PYROXD2: variants seen among roughly 807,000 people sequenced by gnomAD.
PYROXD2 encodes the protein pyridine nucleotide-disulfide oxidoreductase domain-containing protein 2.
In PYROXD2, 69 loss-of-function variants were observed where a neutral mutation model predicts 71.1. That is an observed-to-expected ratio of 0.97 (90% CI 0.80 to 1.19). PYROXD2 has a LOEUF of 1.19. Ranked by LOEUF, PYROXD2 falls within the 50% of genes most tolerant of loss-of-function variation. PYROXD2 has a pLI of 0.00. For missense variants in PYROXD2, 745 were observed against 748.9 expected (o/e 0.99, Z 0.06); for synonymous variants, 287 against 302.7 (o/e 0.95, Z 0.54).
At chr10:98,384,855 C>T (rs1296167509) in intron 15 of PYROXD2, 92 bp downstream of exon 15, 51 of 1,458,052 alleles carry the variant, frequency 3.5e-5, no homozygotes, top group Non-Finnish European at 4.3e-5. Flanking sequence ...CTCTCTGCCA[C>T]CTTCATTGCT....
chr10:98,398,711 C>T (rs1161416006), intron 5 of PYROXD2, among the ~76,000 whole-genome samples: 1 of 152,184 alleles, frequency 6.6e-6, no homozygotes, highest in Non-Finnish European at 1.5e-5. Context: ...GTCCTGCAGG[C>T]CCGGGGACCT....
At chr10:98,402,063 C>T (rs1410219587) in intron 4 of PYROXD2, among the ~76,000 whole-genome samples, 1 of 152,214 alleles carries the variant, frequency 6.6e-6, no homozygotes, top group Non-Finnish European at 1.5e-5. Context: ...CTTATCACCA[C>T]AAACACATGA....
At position 98,410,927 on chromosome 10, in the gene PYROXD2, G is replaced by T. The variant is rs1159485238; in HGVS notation, c.147+12C>A. On this transcript the variant is annotated intron_variant, in intron 2 of 15. Transcript: ENST00000370575. ...GGGCCAGTGAAGTGGGATCAAGTGG[G>T]GAGGTACTCACAGCCACCAGTCCGT... The T allele has an allele frequency of 1.9e-6, 3 of 1,563,132 alleles. No individual in the cohort carries two copies. The highest frequency in any genetic ancestry group is 2.7e-5 in the African/African-American group (2 of 74,100).
chr10:98,395,453 C>G lies in PYROXD2; in HGVS notation c.626-1G>C, dbSNP rs1303511557. 6.2e-7 allele frequency: 1 copy of G among 1,613,936 alleles called. No individual in the cohort carries two copies. The highest frequency in any genetic ancestry group is 1.1e-5 in the South Asian group (1 of 91,072). ...GGAAGCTGGGCTCCCAGGATGCGGC[C>G]TACAAGAGAAGATCCACAAAACAGA... On this transcript the variant is annotated splice_acceptor_variant, in intron 6 of 15. Transcript: ENST00000370575. LOFTEE classifies it high-confidence loss of function.
intron 10 of PYROXD2, among the ~76,000 whole-genome samples, 166 bp downstream of exon 10, chr10:98,392,266 G>C (rs111783338): frequency 6.6e-5 from 10 of 152,128 alleles, no homozygotes; most frequent in South Asian, 4.1e-4. Context: ...CACCTGTGAG[G>C]CTTCTTCCCC....
chr10:98,395,519 G>A (rs1843138623), intron 6 of PYROXD2, 67 bp from the exon 7 acceptor site: 3 of 1,397,472 alleles, frequency 2.1e-6, no homozygotes, highest in East Asian at 2.3e-5. Context: ...ACCTGGCCTG[G>A]GGGATAAAAG....
intron 4 of PYROXD2, among the ~76,000 whole-genome samples, chr10:98,402,399 A>G (rs1374556985): frequency 6.6e-6 from 1 of 152,270 alleles, no homozygotes; most frequent in Non-Finnish European, 1.5e-5. Flanking sequence ...AGCAATGGTT[A>G]TGTGAAAATC....
At chr10:98,402,832 C>T (rs533732672) in intron 4 of PYROXD2, among the ~76,000 whole-genome samples, 9 of 152,270 alleles carry the variant, frequency 5.9e-5, no homozygotes, top group African/African-American at 2.2e-4. Context: ...GAATGTAAGC[C>T]CTGTGAAGTC....
At chr10:98,410,553 C>G (rs894116048) in intron 2 of PYROXD2, 4 of 251,050 alleles carry the variant, frequency 1.6e-5, no homozygotes, top group African/African-American at 9.0e-5. Flanking sequence ...CAAGGGCTGC[C>G]TATGATCTGG....
At chr10:98,412,718 C>T (rs1843829824) in intron 1 of PYROXD2, among the ~76,000 whole-genome samples, 1 of 152,162 alleles carries the variant, frequency 6.6e-6, no homozygotes, top group Admixed American at 6.5e-5. Flanking sequence ...TTAAACCAGG[C>T]TTTATGGTAT....
intron 4 of PYROXD2, among the ~76,000 whole-genome samples, chr10:98,403,060 G>A (rs1843471479): frequency 6.6e-6 from 1 of 152,236 alleles, no homozygotes; most frequent in South Asian, 2.1e-4. Flanking sequence ...GCTCCACACT[G>A]GAGATGCTCC....
intron 10 of PYROXD2, among the ~76,000 whole-genome samples, 197 bp from the exon 11 acceptor site, chr10:98,391,279 C>G (rs924140255): frequency 1.3e-5 from 2 of 152,176 alleles, no homozygotes; most frequent in African/African-American, 4.8e-5. Flanking sequence ...TCCTCCTCCG[C>G]GCTTGGCCAG....
At chr10:98,392,632 AT>A in intron 9 of PYROXD2, 66 bp from the exon 10 acceptor site, 1 of 1,590,844 alleles carries the variant, frequency 6.3e-7, no homozygotes, top group Admixed American at 1.7e-5. Context: ...ATCTTCCGGG[AT>A]TTCCATGGTC....
intron 8 of PYROXD2, among the ~76,000 whole-genome samples, chr10:98,393,931 C>T (rs7073497): frequency 0.15 from 23,299 of 152,084 alleles, 3,511 homozygotes; most frequent in African/African-American, 0.38. Context: ...CAGCATTTCC[C>T]CTGCTGTTCT....
intron 6 of PYROXD2, 136 bp downstream of exon 6, chr10:98,397,209 A>T: frequency 8.3e-7 from 1 of 1,204,794 alleles, no homozygotes; most frequent in Non-Finnish European, 1.1e-6. Context: ...GGCTGCCCCT[A>T]ATTGATCGCA....
intron 2 of PYROXD2, 77 bp downstream of exon 2, chr10:98,410,862 C>A: frequency 1.3e-6 from 2 of 1,550,570 alleles, no homozygotes; most frequent in Non-Finnish European, 1.7e-6. Context: ...CCACCTGCTT[C>A]TTCACACTCC....
rs2135926317 is a variant in PYROXD2, at chr10:98,388,413, T to C, written c.1388A>G (p.Tyr463Cys). 2.5e-6 allele frequency: 4 copies of C among 1,613,522 alleles called. No homozygotes were observed. In the South Asian group the frequency reaches 3.3e-5, roughly 13 times the overall value. The change falls in exon 13 of 16, where the codon TAT (tyrosine) becomes TGT (cysteine). Residue 463 changes from tyrosine to cysteine, a missense_variant. Physicochemically the swap from Tyr to Cys is radical, Grantham distance 194 (BLOSUM62 -2). Transcript: ENST00000370575. ...CCAGGCCTTGCCTCCAGCCAGCGTA[T>C]AGGGCATGTACTGAGTGAAGAGGGA... ...VVSLFTQYMPYTLAGGKAWDE... is the reference protein window; with the variant it reads ...VVSLFTQYMPCTLAGGKAWDE...
chr10:98,407,351 G>T (rs1843632337), intron 4 of PYROXD2, among the ~76,000 whole-genome samples: 1 of 152,210 alleles, frequency 6.6e-6, no homozygotes, highest in African/African-American at 2.4e-5. Flanking sequence ...TTCAAAAGAA[G>T]TCTGATTTTT....
At chr10:98,388,631 T>C (rs911600951) in intron 12 of PYROXD2, 123 bp from the exon 13 acceptor site, 1 of 1,113,236 alleles carries the variant, frequency 9.0e-7, no homozygotes, top group African/African-American at 1.6e-5. Flanking sequence ...ATTGTCGCTC[T>C]ACAGCCACAG....
Sources: allele counts gnomAD v4.1 joint callset (sites outside exome capture counted in the v4.1 genomes callset), GRCh38; gene constraint gnomAD v4.1.1; transcripts MANE v1.5; gene names NCBI Gene and HGNC (gene_info 2026-07-23, HGNC 2026-07-21).